ZBTB7A: variants seen among roughly 807,000 people sequenced by gnomAD.
ZBTB7A encodes zinc finger and BTB domain containing 7A.
A neutral mutation model predicts 26.7 loss-of-function variants in ZBTB7A; 7 were observed. The ratio of observed to expected loss-of-function variants is 0.26; its 90% confidence interval spans 0.15 to 0.49. ZBTB7A has a LOEUF of 0.49. Among genes scored for constraint, ZBTB7A ranks in the 20% least tolerant of loss-of-function variants. The pLI is 0.98. For synonymous variants in ZBTB7A, 452 were observed against 441.0 expected, an observed-to-expected ratio of 1.02 and a Z score of -0.31; for missense variants, 617 against 919.5, an observed-to-expected ratio of 0.67 and a Z score of 4.25.
chr19:4,062,366 C>T (rs1032288457), intron 1 of ZBTB7A: 3 of 152,248 alleles, frequency 2.0e-5, no homozygotes, highest in Non-Finnish European at 4.4e-5. Flanking sequence ...GGGCCAGAGC[C>T]GCTCCTCGGA....
intron 1 of ZBTB7A, among the ~76,000 whole-genome samples, chr19:4,065,170 G>A (rs1284610388): frequency 1.3e-5 from 2 of 151,560 alleles, no homozygotes; most frequent in East Asian, 3.9e-4. Context: ...AAGGAGGGGG[G>A]GTCCGGGCCA....
intron 1 of ZBTB7A, 43 bp from the exon 2 acceptor site, chr19:4,055,290 CG>C (rs1192707571): frequency 1.4e-6 from 2 of 1,434,752 alleles, no homozygotes; most frequent in Non-Finnish European, 1.8e-6. Flanking sequence ...AGTGGGGGTG[CG>C]GGGGTTCCTG....
In ZBTB7A at chr19:4,055,150, CGCT is replaced by C; in HGVS notation, c.80_82del (p.Gln27del). 1 of 1,608,428 alleles carries C rather than the reference CGCT, an allele frequency of 6.2e-7. No individual in the cohort carries two copies. The highest frequency in any genetic ancestry group is 8.5e-7 in the Non-Finnish European group (1 of 1,178,784). On this transcript the variant is annotated inframe_deletion, in exon 2 of 3. Coordinates refer to ENST00000322357, the MANE Select transcript of ZBTB7A (RefSeq NM_015898.4). ...CACGTCGCACAGCAGGCCCTGCGTC[CGCT>C]GCTCGTTCAGCCCACTCAGGATGTC...
rs1365793119 is a variant in ZBTB7A, at chr19:4,054,024, G to C, written c.1209C>G (p.Thr403=). 5 of 1,611,990 alleles carry C rather than the reference G, an allele frequency of 3.1e-6. No individual in the cohort carries two copies. Among genetic ancestry groups the C allele is most frequent in the Non-Finnish European group, 4.2e-6 (5 of 1,179,766 alleles). ...ACTCGTAGGGCTTCTCGCCCGTGTG[G>C]GTGCGGATGTGTCGCGGCAGCTTGC... The part of the protein sequence containing the change: ...GAGKLPRHIR[T]HTGEKPYECN... Residue 403 remains threonine (T), a synonymous_variant, in exon 2 of 3, where the codon ACC becomes ACG. Transcript: ENST00000322357.
At chr19:4,050,738 C>T (rs2040494401) in intron 2 of ZBTB7A, among the ~76,000 whole-genome samples, 1 of 152,168 alleles carries the variant, frequency 6.6e-6, no homozygotes, top group Admixed American at 6.6e-5. Flanking sequence ...TAAAATGTTT[C>T]AAGTCACTTT....
chr19:4,066,432 G>A (rs540838963), intron 1 of ZBTB7A, among the ~76,000 whole-genome samples: 1 of 150,590 alleles, frequency 6.6e-6, no homozygotes, highest in African/African-American at 2.4e-5. Context: ...GGGTTGGGGG[G>A]GGCTGGCGCA....
chr19:4,057,495 A>G (rs571881849), intron 1 of ZBTB7A, among the ~76,000 whole-genome samples: 1 of 152,162 alleles, frequency 6.6e-6, no homozygotes, highest in Non-Finnish European at 1.5e-5. Flanking sequence ...GACCTTTACA[A>G]AACACCTACT....
Position 4,047,725 on chromosome 19 carries a change from C to G in ZBTB7A, c.*27G>C. On this transcript the variant is annotated 3_prime_UTR_variant, in exon 3 of 3. Transcript: ENST00000322357. ...TCTCTCTCTCTGTCTCTCTCTTTCT[C>G]GGGTTTCTGTTTTCTCTTTTTGGTT... is the stretch of plus-strand genomic sequence containing the variant. 6.4e-7 allele frequency: 1 copy of G among 1,573,778 alleles called. No individual in the cohort carries two copies. Among genetic ancestry groups the G allele is most frequent in the African/African-American group, 1.4e-5 (1 of 72,092 alleles).
In ZBTB7A at chr19:4,054,588, G is replaced by A. The variant is rs780393207; in HGVS notation, c.645C>T (p.Asn215=). ...AVAAVAAGDC[N]GLDFYGPGPP... ...GGCCCGGCCCATAGAAGTCTAAGCC[G>A]TTGCAGTCGCCCGCGGCCACGGCGG... is the stretch of plus-strand genomic sequence containing the variant. Residue 215 remains asparagine (N), a synonymous_variant, in exon 2 of 3, where the codon AAC becomes AAT. Coordinates refer to ENST00000322357, the MANE Select transcript of ZBTB7A (RefSeq NM_015898.4). 26 of 1,563,960 alleles carry A rather than the reference G, an allele frequency of 1.7e-5. No homozygotes were observed. The African/African-American group carries it at 3.1e-4, about 19-fold the overall frequency.
chr19:4,053,607 A>G (rs1332917502), intron 2 of ZBTB7A, among the ~76,000 whole-genome samples: 2 of 135,026 alleles, frequency 1.5e-5, no homozygotes, highest in African/African-American at 5.8e-5. Flanking sequence ...GTGCATGTGT[A>G]TGTGATGTGT....
rs573658133 is a variant in ZBTB7A at position 4,049,288 on chromosome 19, C to T, written c.1263-1044G>A. On this transcript the variant is annotated intron_variant, in intron 2 of 2. Coordinates refer to ENST00000322357, the MANE Select transcript of ZBTB7A (RefSeq NM_015898.4). Reference sequence around the variant, plus strand: ...CTGGGCTCAAGTGATCCTCTTGCCTCGGCCTCTCAAAGCTCTAGGATTACA... The same window carrying T: ...CTGGGCTCAAGTGATCCTCTTGCCTTGGCCTCTCAAAGCTCTAGGATTACA... Among the ~76,000 whole-genome samples the T allele has an allele frequency of 4.1e-5, 6 of 145,298 alleles. No homozygotes were observed. The South Asian group carries it at 6.6e-4, about 16-fold the overall frequency.
chr19:4,044,358 T>C lies in ZBTB7A; in HGVS notation c.*3394A>G, dbSNP rs951028345. 4 of 152,118 alleles carry C rather than the reference T, an allele frequency of 2.6e-5. No homozygotes were observed. Among genetic ancestry groups the C allele is most frequent in the Non-Finnish European group, 5.9e-5 (4 of 68,016 alleles). The allele number at this position is 152,118 out of a possible 1,614,324, so 9.4% of individuals were successfully genotyped here. On this transcript the variant is annotated 3_prime_UTR_variant, in exon 3 of 3. Coordinates refer to ENST00000322357, the MANE Select transcript of ZBTB7A (RefSeq NM_015898.4). The stretch of plus-strand genomic sequence containing the variant: ...ACATTCACTGGTTTATAATTTTTTT[T>C]TTTCATTTTTAAAAACTTTTTTGAC...
Position 4,048,185 on chromosome 19 carries a change from T to C in ZBTB7A, c.1322A>G (p.Gln441Arg). 6 of 1,607,038 alleles carry C rather than the reference T, an allele frequency of 3.7e-6. No homozygotes were observed. Among genetic ancestry groups the C allele is most frequent in the Non-Finnish European group, 5.1e-6 (6 of 1,178,634 alleles). Residue 441 changes from glutamine to arginine, a missense_variant, in exon 3 of 3, where the codon CAG becomes CGG. Physicochemically the swap from Gln to Arg is conservative, Grantham distance 43 (BLOSUM62 1). This residue lies in a region of ZBTB7A where 41 missense variants were observed against 167.6 expected (regional missense o/e 0.24). Transcript: ENST00000322357. The surrounding 1 kb of genome is among the most constrained non-coding windows in gnomAD (Gnocchi z 6.7). ...GTGGGCAAAGGCGGCGCCGCACTGC[T>C]GGCACAGGTACGGCTTCTCGCCCGT... is the stretch of plus-strand genomic sequence containing the variant. ...KHTGEKPYLC[Q>R]QCGAAFAHNY...
At chr19:4,064,995 G>A (rs1041000433) in intron 1 of ZBTB7A, among the ~76,000 whole-genome samples, 4 of 151,802 alleles carry the variant, frequency 2.6e-5, no homozygotes, top group African/African-American at 4.8e-5. Flanking sequence ...CCCTGGGGGG[G>A]CACCCGCTCC....
At chr19:4,053,184 A>C (rs576053759) in intron 2 of ZBTB7A, among the ~76,000 whole-genome samples, 4 of 152,214 alleles carry the variant, frequency 2.6e-5, no homozygotes, top group Admixed American at 6.5e-5. Flanking sequence ...CACCTCCCGC[A>C]GCTCAACCCT....
intron 1 of ZBTB7A, 100 bp downstream of exon 1, chr19:4,066,582 C>G (rs1360142257): frequency 2.6e-5 from 4 of 151,950 alleles, no homozygotes; most frequent in Non-Finnish European, 5.9e-5. Flanking sequence ...CCCCGGCTCC[C>G]CGGATCTCCC....
At chr19:4,055,884 A>C (rs529758731) in intron 1 of ZBTB7A, among the ~76,000 whole-genome samples, 1 of 152,296 alleles carries the variant, frequency 6.6e-6, no homozygotes, top group East Asian at 1.9e-4. Context: ...CTGCCTCCCA[A>C]GGTGCTAAGA....
At chr19:4,061,730 G>A (rs1482645933) in intron 1 of ZBTB7A, 1 of 152,354 alleles carries the variant, frequency 6.6e-6, no homozygotes, top group Non-Finnish European at 1.5e-5. Context: ...CAGCGGGGAT[G>A]GGGGCAGCGA....
chr19:4,053,997 G>C lies in ZBTB7A; in HGVS notation c.1236C>G (p.Cys412Trp). 6.2e-7 allele frequency: 1 copy of C among 1,607,522 alleles called. No homozygotes were observed. The highest frequency in any genetic ancestry group is 8.5e-7 in the Non-Finnish European group (1 of 1,177,966). ...RTHTGEKPYE[C>W]NICKVRFTRQ... ...TGGTGAAGCGGACCTTGCAGATGTT[G>C]CACTCGTAGGGCTTCTCGCCCGTGT... Residue 412 changes from cysteine (C) to tryptophan (W), a missense_variant, in exon 2 of 3, where the codon TGC (cysteine) becomes TGG (tryptophan). Transcript: ENST00000322357.
Sources: allele counts gnomAD v4.1 joint callset (sites outside exome capture counted in the v4.1 genomes callset), GRCh38; gene constraint gnomAD v4.1.1; regional missense constraint gnomAD v4.1.1; non-coding constraint Gnocchi (gnomAD v3.1); transcripts MANE v1.5; gene names NCBI Gene and HGNC (gene_info 2026-07-23, HGNC 2026-07-21).